The following UBE3A variants were observed in gnomAD, a reference collection of about 807,000 sequenced individuals.
UBE3A encodes ubiquitin-protein ligase E3A.
A neutral mutation model predicts 83.4 loss-of-function variants in UBE3A; 6 were observed. That is an observed-to-expected ratio of 0.07 (90% CI 0.04 to 0.14). UBE3A has a LOEUF of 0.14. UBE3A is among the 10% of genes least tolerant of loss of function. The pLI is 1.00. For missense variants in UBE3A, 456 were observed against 1,036.1 expected (o/e 0.44, Z 7.69); for synonymous variants, 337 against 355.4 (o/e 0.95, Z 0.58).
chr15:25,358,612 T>G (rs2077570003), intron 7 of UBE3A, among the ~76,000 whole-genome samples: 1 of 152,134 alleles, frequency 6.6e-6, no homozygotes, highest in Non-Finnish European at 1.5e-5. Flanking sequence ...AAATCAGAAA[T>G]CAAATTATAC....
chr15:25,339,040 C>A lies in UBE3A; in HGVS notation c.*97G>T. On this transcript the variant is annotated 3_prime_UTR_variant, in exon 13 of 13. Transcript: ENST00000648336. ...GCCTTTTTGTACTGGGACACTATCA[C>A]CACCAAAAATTTATCCCTCGTTATA... The A allele has an allele frequency of 7.3e-7, 1 of 1,362,604 alleles. No individual in the cohort carries two copies. Among genetic ancestry groups the A allele is most frequent in the Admixed American group, 2.9e-5 (1 of 34,802 alleles). The allele number at this position is 1,362,604 out of a possible 1,614,324, so 84.4% of individuals were successfully genotyped here. A position where few individuals can be genotyped will look rare whatever the true frequency, so the allele number is the denominator to read the frequency against.
At position 25,339,109 on chromosome 15, in the gene UBE3A, T is replaced by TTTTTG; in HGVS notation, c.*23_*27dup. 5 of 1,478,584 alleles carry TTTTTG rather than the reference T, an allele frequency of 3.4e-6. No homozygotes were observed. Among genetic ancestry groups the TTTTTG allele is most frequent in the Non-Finnish European group, 3.6e-6 (4 of 1,108,454 alleles). 91.6% of individuals were successfully genotyped at this position (1,478,584 alleles called of 1,614,324 possible). On this transcript the variant is annotated 3_prime_UTR_variant, in exon 13 of 13. Coordinates refer to ENST00000648336, the MANE Select transcript of UBE3A (RefSeq NM_130839.5). ...TTTTTTCTTTTTTTTTCCTTCCTTTTTTTTGTTTTATTTTGTTTTGTTTTG... is the reference window on the plus strand; with the variant it reads ...TTTTTTCTTTTTTTTTCCTTCCTTTTTTTTGTTTTGTTTTATTTTGTTTTGTTTTG...
At chr15:25,384,081 T>G (rs1409250136) in intron 4 of UBE3A, among the ~76,000 whole-genome samples, 1 of 152,172 alleles carries the variant, frequency 6.6e-6, no homozygotes, top group African/African-American at 2.4e-5. Flanking sequence ...ATTAATTTTT[T>G]AAACCCATTT....
At chr15:25,399,839 G>C (rs966839099) in intron 4 of UBE3A, among the ~76,000 whole-genome samples, 2 of 151,874 alleles carry the variant, frequency 1.3e-5, no homozygotes, top group Non-Finnish European at 2.9e-5. Flanking sequence ...CAGTCTCCCA[G>C]AGTGTGGGAA....
chr15:25,358,059 C>T (rs900380389), intron 7 of UBE3A, among the ~76,000 whole-genome samples: 2 of 151,840 alleles, frequency 1.3e-5, no homozygotes, highest in Non-Finnish European at 2.9e-5. Context: ...TGCGTGGAGG[C>T]CTTTTTTATA....
chr15:25,359,418 CGTGTGTGTGTGTGTGT>C (rs60677664), intron 7 of UBE3A, among the ~76,000 whole-genome samples: 331 of 139,014 alleles, frequency 2.4e-3, no homozygotes, highest in African/African-American at 6.6e-3. Context: ...ATAAGGGATG[CGTGTGTGTGTGTGTGT>C]GTGTGTGTGT....
Position 25,356,759 on chromosome 15 carries a change from G to A in UBE3A, c.1891C>T (p.Pro631Ser), listed in dbSNP as rs1310879709. The change falls in exon 8 of 13, where the codon CCC becomes TCC. Residue 631 changes from proline to serine, a missense_variant. Physicochemically the swap from Pro to Ser is moderately conservative, Grantham distance 74 (BLOSUM62 -1). Around this residue, in one of 13 missense-constraint regions of UBE3A, gnomAD observed 58 missense variants for 237.1 expected, o/e 0.24. Coordinates refer to ENST00000648336, the MANE Select transcript of UBE3A (RefSeq NM_130839.5). ...YNNCILDVHF[P>S]MVVYRKLMGK... ...ATTAGCTTCCTGTAGACAACCATGG[G>A]AAAATGTACATCCAGTATACAGTTA... The A allele has an allele frequency of 1.2e-6, 2 of 1,613,610 alleles. No homozygotes were observed. Among genetic ancestry groups the A allele is most frequent in the Non-Finnish European group, 1.7e-6 (2 of 1,179,886 alleles).
chr15:25,408,984 T>TC, intron 3 of UBE3A, 104 bp downstream of exon 3: 1 of 1,227,992 alleles, frequency 8.1e-7, no homozygotes, highest in South Asian at 1.4e-5. Context: ...GGCCCACTAT[T>TC]CTTAGCAGTA....
At chr15:25,362,451 T>C (rs1172491592) in intron 6 of UBE3A, among the ~76,000 whole-genome samples, 3 of 152,204 alleles carry the variant, frequency 2.0e-5, no homozygotes, top group African/African-American at 7.2e-5. Context: ...CGCGATTCAA[T>C]TAAGCCTCAG....
At chr15:25,350,312 A>AT (rs2076312889) in intron 11 of UBE3A, among the ~76,000 whole-genome samples, 1 of 151,296 alleles carries the variant, frequency 6.6e-6, no homozygotes, top group Non-Finnish European at 1.5e-5. Flanking sequence ...AAAAAAAAAA[A>AT]CCAACGAACC....
rs899995864 is a variant in UBE3A, at chr15:25,334,193, T to C, written c.*4944A>G. On this transcript the variant is annotated 3_prime_UTR_variant, in exon 13 of 13. Coordinates refer to ENST00000648336, the MANE Select transcript of UBE3A (RefSeq NM_130839.5). ...GATGCATGATCTCATATGCAAAAAATACTAAGTGACAAAAAAAGAATTTTA... is the reference window on the plus strand; with the variant it reads ...GATGCATGATCTCATATGCAAAAAACACTAAGTGACAAAAAAAGAATTTTA... 17 of 151,646 alleles carry C rather than the reference T, an allele frequency of 1.1e-4. No individual in the cohort carries two copies. The highest frequency in any genetic ancestry group is 7.2e-4 in the Admixed American group (11 of 15,238). The allele number at this position is 151,646 out of a possible 1,614,324, so 9.4% of individuals were successfully genotyped here.
In UBE3A at chr15:25,338,181, A is replaced by T. The variant is rs573705274; in HGVS notation, c.*956T>A. On this transcript the variant is annotated 3_prime_UTR_variant, in exon 13 of 13. Transcript: ENST00000648336. ...AATCTAGGTAATAAGTAAGTAATTA[A>T]TAAAAACTCTATCTTAAGTGCACTT... The T allele has an allele frequency of 3.9e-5, 6 of 152,264 alleles. No individual in the cohort carries two copies. In the East Asian group the frequency reaches 1.2e-3, roughly 29 times the overall value. The allele number at this position is 152,264 out of a possible 1,614,324, so 9.4% of individuals were successfully genotyped here.
chr15:25,410,416 A>G (rs1320214175), intron 2 of UBE3A, among the ~76,000 whole-genome samples: 1 of 152,178 alleles, frequency 6.6e-6, no homozygotes, highest in East Asian at 1.9e-4. Context: ...CAGTATCAAA[A>G]GATCATTTTG....
intron 2 of UBE3A, 28 bp from the exon 3 acceptor site, chr15:25,409,235 G>T (rs4398090): frequency 1.2e-6 from 1 of 822,074 alleles, no homozygotes; most frequent in Non-Finnish European, 1.9e-6. Flanking sequence ...CCTTTGGTTA[G>T]AACACTTTAA....
At chr15:25,349,661 T>C (rs181953714) in intron 11 of UBE3A, among the ~76,000 whole-genome samples, 80 of 152,332 alleles carry the variant, frequency 5.3e-4, no homozygotes, top group East Asian at 1.4e-3. Context: ...ATTTTTACCA[T>C]AGATTTTAGC....
chr15:25,348,857 A>G (rs2076096141), intron 11 of UBE3A, among the ~76,000 whole-genome samples: 1 of 152,250 alleles, frequency 6.6e-6, no homozygotes, highest in South Asian at 2.1e-4. Context: ...TTGGAAGAAT[A>G]TATTGTTAAA....
At chr15:25,357,629 A>C (rs2077405971) in intron 7 of UBE3A, 1 of 152,130 alleles carries the variant, frequency 6.6e-6, no homozygotes, top group Non-Finnish European at 1.5e-5. Flanking sequence ...TACAGGCGTG[A>C]GCCACCACAC....
chr15:25,346,277 T>G (rs1026870087), intron 11 of UBE3A: 3 of 152,292 alleles, frequency 2.0e-5, no homozygotes, highest in Non-Finnish European at 2.9e-5. Flanking sequence ...GCAGCACTAC[T>G]AGGAACCAGT....
intron 1 of UBE3A, among the ~76,000 whole-genome samples, chr15:25,421,400 A>G (rs1187443927): frequency 6.6e-6 from 1 of 152,198 alleles, no homozygotes; most frequent in Non-Finnish European, 1.5e-5. Context: ...ATATTCATTT[A>G]AGGCAACGCA....
Sources: gnomAD v4.1 joint callset for allele counts (sites outside exome capture counted in the v4.1 genomes callset) on GRCh38, gnomAD v4.1.1 for gene constraint, gnomAD v4.1.1 regional missense constraint, MANE v1.5 for transcripts, NCBI Gene and HGNC (gene_info 2026-07-23, HGNC 2026-07-21) for gene names.